PHLPP1: variants seen among roughly 807,000 people sequenced by gnomAD.
PHLPP1 encodes the protein PH domain and leucine rich repeat protein phosphatase 1.
In PHLPP1, 42 loss-of-function variants were observed where a neutral mutation model predicts 117.2. The observed-to-expected ratio is 0.36, with a 90% CI of 0.28 to 0.46. PHLPP1 has a LOEUF of 0.46. Ranked by LOEUF, PHLPP1 falls within the 20% of genes least tolerant of loss-of-function variation. PHLPP1 has a pLI of 1.00. For synonymous variants in PHLPP1, 1,042 were observed against 970.7 expected (o/e 1.07, Z -1.37); for missense variants, 2,084 against 2,241.9 (o/e 0.93, Z 1.42).
At chr18:62,740,586 T>C (rs1266870978) in intron 1 of PHLPP1, among the ~76,000 whole-genome samples, 1 of 152,264 alleles carries the variant, frequency 6.6e-6, no homozygotes, top group Non-Finnish European at 1.5e-5. Flanking sequence ...GTAAGCATTG[T>C]ATTTTCATTT....
chr18:62,852,330 G>A (rs1024137053), intron 3 of PHLPP1, among the ~76,000 whole-genome samples: 8 of 151,910 alleles, frequency 5.3e-5, no homozygotes, highest in African/African-American at 1.9e-4. Flanking sequence ...GATATATGAT[G>A]TAATTAATTT....
chr18:62,902,176 G>A (rs1187971749), intron 6 of PHLPP1, among the ~76,000 whole-genome samples: 1 of 152,144 alleles, frequency 6.6e-6, no homozygotes, highest in Non-Finnish European at 1.5e-5. Flanking sequence ...TAGCTCACTA[G>A]TTCTTATGGC....
At chr18:62,900,357 T>C (rs1916682197) in intron 6 of PHLPP1, among the ~76,000 whole-genome samples, 1 of 149,416 alleles carries the variant, frequency 6.7e-6, no homozygotes. Flanking sequence ...ATAAAAAGTT[T>C]GTCCTAGTTA....
intron 1 of PHLPP1, among the ~76,000 whole-genome samples, chr18:62,787,212 A>G (rs1290781446): frequency 6.6e-6 from 1 of 151,460 alleles, no homozygotes; most frequent in Non-Finnish European, 1.5e-5. Context: ...AATATAGCTA[A>G]CCCCAATTAT....
chr18:62,777,253 G>A (rs1249223127), intron 1 of PHLPP1, among the ~76,000 whole-genome samples: 3 of 152,144 alleles, frequency 2.0e-5, no homozygotes. Context: ...TGAGCTTGTA[G>A]TGGTATCTTA....
At chr18:62,862,200 C>G (rs1915650272) in intron 4 of PHLPP1, among the ~76,000 whole-genome samples, 1 of 152,088 alleles carries the variant, frequency 6.6e-6, no homozygotes. Context: ...CCGCCTCAGC[C>G]TCTGAAGTAG....
intron 10 of PHLPP1, among the ~76,000 whole-genome samples, chr18:62,934,020 A>G (rs1909896605): frequency 6.6e-6 from 1 of 152,210 alleles, no homozygotes; most frequent in Non-Finnish European, 1.5e-5. Flanking sequence ...TTACAGCCAT[A>G]ATGAGATACC....
intron 3 of PHLPP1, among the ~76,000 whole-genome samples, chr18:62,850,812 A>C (rs140121195): frequency 2.3e-3 from 354 of 152,306 alleles, no homozygotes; most frequent in Non-Finnish European, 4.2e-3. Flanking sequence ...ACTCCTAAAG[A>C]GTCCACATTT....
chr18:62,929,732 G>A (rs985014506), intron 10 of PHLPP1, among the ~76,000 whole-genome samples: 2 of 152,194 alleles, frequency 1.3e-5, no homozygotes, highest in Admixed American at 6.5e-5. Flanking sequence ...AGGATAGCTT[G>A]AGGTTAGGAG....
intron 1 of PHLPP1, among the ~76,000 whole-genome samples, chr18:62,721,486 A>G (rs1910917856): frequency 6.6e-6 from 1 of 151,888 alleles, no homozygotes; most frequent in African/African-American, 2.4e-5. Context: ...GCTTTAAAAC[A>G]TGGCTTTTAA....
In PHLPP1 at chr18:62,979,497, C is replaced by A; in HGVS notation, c.*66C>A. On this transcript the variant is annotated 3_prime_UTR_variant, in exon 17 of 17. Coordinates refer to ENST00000262719, the MANE Select transcript of PHLPP1 (RefSeq NM_194449.4). ...CTGAGTTGCAAGAGTCTCCCAGGCT[C>A]ACATTAAACCAGGGGTTTTACTCCA... 1 of 1,493,446 alleles carries A rather than the reference C, an allele frequency of 6.7e-7. No homozygotes were observed. The highest frequency in any genetic ancestry group is 9.0e-7 in the Non-Finnish European group (1 of 1,113,984). The allele number at this position is 1,493,446 out of a possible 1,614,324, so 92.5% of individuals were successfully genotyped here. A position where few individuals can be genotyped will look rare whatever the true frequency, so the allele number is the denominator to read the frequency against.
intron 4 of PHLPP1, among the ~76,000 whole-genome samples, chr18:62,876,373 G>T (rs1916050489): frequency 6.6e-6 from 1 of 152,116 alleles, no homozygotes; most frequent in Non-Finnish European, 1.5e-5. Context: ...CCTTCAAAGT[G>T]TATTTGTAAT....
At chr18:62,842,075 T>G (rs1427770207) in intron 3 of PHLPP1, among the ~76,000 whole-genome samples, 1 of 152,232 alleles carries the variant, frequency 6.6e-6, no homozygotes, top group Non-Finnish European at 1.5e-5. Flanking sequence ...GATATGCATA[T>G]AATAGATTTA....
intron 12 of PHLPP1, among the ~76,000 whole-genome samples, chr18:62,945,632 T>C (rs2144458995): frequency 6.6e-6 from 1 of 152,212 alleles, no homozygotes; most frequent in East Asian, 1.9e-4. Flanking sequence ...GTAATCGCAG[T>C]TTGAAAAGGT....
chr18:62,920,767 G>A (rs1338254329), intron 10 of PHLPP1, among the ~76,000 whole-genome samples: 1 of 152,044 alleles, frequency 6.6e-6, no homozygotes, highest in Non-Finnish European at 1.5e-5. Context: ...TGCCATGTTG[G>A]CCAGGCTGGT....
rs1032056737 is a variant in PHLPP1, at chr18:62,860,726, G to A, written c.2066+125G>A. On this transcript the variant is annotated intron_variant, in intron 4 of 16. Transcript: ENST00000262719. ...TAAACTTTCTCCTTCAGATAACAGG[G>A]TAATAGGACTTTGTTTATTAGTGAA... 2.2e-5 allele frequency: 16 copies of A among 732,330 alleles called. No homozygotes were observed. In the Admixed American group the frequency reaches 4.5e-4, roughly 21 times the overall value. The allele number at this position is 732,330 out of a possible 1,614,324, so 45.4% of individuals were successfully genotyped here. A position where few individuals can be genotyped will look rare whatever the true frequency, so the allele number is the denominator to read the frequency against.
At chr18:62,868,537 G>T (rs1250102381) in intron 4 of PHLPP1, among the ~76,000 whole-genome samples, 4 of 150,850 alleles carry the variant, frequency 2.7e-5, no homozygotes, top group Non-Finnish European at 4.4e-5. Flanking sequence ...CAAGAGAATC[G>T]CTTGAACCTG....
At chr18:62,783,127 A>C (rs988977320) in intron 1 of PHLPP1, among the ~76,000 whole-genome samples, 1 of 148,478 alleles carries the variant, frequency 6.7e-6, no homozygotes, top group Non-Finnish European at 1.5e-5. Context: ...TTAGTGAGTT[A>C]AAAGTATTTG....
chr18:62,861,028 G>A (rs963126816), intron 4 of PHLPP1, among the ~76,000 whole-genome samples: 7 of 152,132 alleles, frequency 4.6e-5, no homozygotes, highest in Admixed American at 2.6e-4. Context: ...AAGAACCAGC[G>A]TTTAAATCAA....
Sources: gnomAD v4.1 joint callset for allele counts (sites outside exome capture counted in the v4.1 genomes callset) on GRCh38, gnomAD v4.1.1 for gene constraint, MANE v1.5 for transcripts, NCBI Gene and HGNC (gene_info 2026-07-23, HGNC 2026-07-21) for gene names.